Variants in GADL1 observed in about 807,000 individuals in gnomAD.
GADL1 encodes the protein GAD like acidic amino acid decarboxylase 1.
A neutral mutation model predicts 69.5 loss-of-function variants in GADL1; 71 were observed. The observed-to-expected ratio is 1.02, with a 90% CI of 0.84 to 1.25. The LOEUF is 1.25. GADL1 is among the 50% of genes most tolerant of loss of function. The probability of loss-of-function intolerance (pLI) is 0.00; values close to 1 mark genes in which losing one functional copy is unlikely to be tolerated. For missense variants in GADL1, 737 were observed against 631.8 expected (o/e 1.17, Z -1.79); for synonymous variants, 254 against 214.4 (o/e 1.18, Z -1.62).
At chr3:30,763,514 T>TG (rs1559492043) in intron 14 of GADL1, among the ~76,000 whole-genome samples, 5 of 17,152 alleles carry the variant, frequency 2.9e-4, no homozygotes, top group African/African-American at 9.1e-4. Flanking sequence ...CGGCGGGGGG[T>TG]GGGGGTGGGG....
chr3:30,750,918 G>A (rs991227189), intron 14 of GADL1, among the ~76,000 whole-genome samples: 1 of 151,850 alleles, frequency 6.6e-6, no homozygotes, highest in Non-Finnish European at 1.5e-5. Context: ...GAAAGACAGA[G>A]GACATTATCT....
chr3:30,780,362 C>T (rs1696637265), intron 13 of GADL1, among the ~76,000 whole-genome samples: 1 of 152,164 alleles, frequency 6.6e-6, no homozygotes, highest in Non-Finnish European at 1.5e-5. Flanking sequence ...AGGTCTAGAC[C>T]TCAGTCCTGG....
At chr3:30,853,645 A>C (rs986684730) in intron 4 of GADL1, among the ~76,000 whole-genome samples, 3 of 152,148 alleles carry the variant, frequency 2.0e-5, no homozygotes, top group African/African-American at 7.2e-5. Flanking sequence ...ATTTCTATGA[A>C]TGATATGACC....
chr3:30,827,767 TTC>T (rs900656858), intron 11 of GADL1, among the ~76,000 whole-genome samples: 19 of 152,036 alleles, frequency 1.2e-4, no homozygotes, highest in Admixed American at 9.2e-4. Context: ...ATTGAATGAA[TTC>T]TCTCTGTTTG....
chr3:30,753,904 A>C (rs941829328), intron 14 of GADL1, among the ~76,000 whole-genome samples: 1 of 152,212 alleles, frequency 6.6e-6, no homozygotes, highest in African/African-American at 2.4e-5. Flanking sequence ...TAACTAGACC[A>C]TTGATGAATC....
chr3:30,891,704 GA>G (rs1429882673), intron 1 of GADL1, among the ~76,000 whole-genome samples: 3 of 151,992 alleles, frequency 2.0e-5, no homozygotes, highest in Non-Finnish European at 4.4e-5. Flanking sequence ...ACTTGTTAAC[GA>G]AGGTTACATA....
chr3:30,734,622 T>A (rs912448237), intron 14 of GADL1, among the ~76,000 whole-genome samples: 5 of 152,140 alleles, frequency 3.3e-5, no homozygotes, highest in East Asian at 1.9e-4. Context: ...TATAAAAAAA[T>A]TTTTGTGGTA....
intron 3 of GADL1, 55 bp from the exon 4 acceptor site, chr3:30,854,844 G>A: frequency 2.4e-6 from 2 of 825,572 alleles, no homozygotes; most frequent in South Asian, 1.6e-5. Context: ...AAAAACTACT[G>A]ATACAGCATT....
At chr3:30,853,853 G>A (rs573912932) in intron 4 of GADL1, among the ~76,000 whole-genome samples, 5 of 152,078 alleles carry the variant, frequency 3.3e-5, no homozygotes, top group African/African-American at 9.6e-5. Context: ...CCCTCCTAAC[G>A]GGTCCCCTCC....
Position 30,741,190 on chromosome 3 carries a change from A to ATATGTGTGTGTGTGTG in GADL1, c.1393-12776_1393-12775insCACACACACACACATA, listed in dbSNP as rs747105488. Among the ~76,000 whole-genome samples the ATATGTGTGTGTGTGTG allele has an allele frequency of 1.9e-3, 254 of 132,630 alleles. 3 individuals are homozygous for ATATGTGTGTGTGTGTG. Among genetic ancestry groups the ATATGTGTGTGTGTGTG allele is most frequent in the South Asian group, 0.013 (56 of 4,328 alleles). 87.0% of individuals were successfully genotyped at this position (132,630 alleles called of 152,430 possible). ...TAAATATTATATATATTATATAATT[A>ATATGTGTGTGTGTGTG]TGTGTGTGTGTGTGTGTGTGTGTGT... On this transcript the variant is annotated intron_variant, in intron 14 of 14. Transcript: ENST00000282538.
intron 1 of GADL1, among the ~76,000 whole-genome samples, chr3:30,885,805 C>T (rs1398899589): frequency 6.6e-6 from 1 of 151,690 alleles, no homozygotes; most frequent in Non-Finnish European, 1.5e-5. Flanking sequence ...TGAGATCTCA[C>T]CATGCTGCCC....
intron 13 of GADL1, among the ~76,000 whole-genome samples, chr3:30,781,966 C>G (rs1696675888): frequency 6.6e-6 from 1 of 151,952 alleles, no homozygotes; most frequent in Non-Finnish European, 1.5e-5. Flanking sequence ...GAAATAATGT[C>G]CAGCGAGGGG....
chr3:30,750,661 A>G (rs1459221819), intron 14 of GADL1, among the ~76,000 whole-genome samples: 1 of 151,736 alleles, frequency 6.6e-6, no homozygotes, highest in Non-Finnish European at 1.5e-5. Context: ...TTTTTTTAAC[A>G]CAATTGCTAC....
At chr3:30,765,219 C>CATGG (rs1291195413) in intron 14 of GADL1, among the ~76,000 whole-genome samples, 4 of 152,178 alleles carry the variant, frequency 2.6e-5, no homozygotes, top group Non-Finnish European at 5.9e-5. Context: ...GAATTCCCCA[C>CATGG]ATGGATCACC....
At chr3:30,760,466 CTG>C (rs999185087) in intron 14 of GADL1, among the ~76,000 whole-genome samples, 50 of 152,270 alleles carry the variant, frequency 3.3e-4, no homozygotes, top group African/African-American at 7.7e-4. Context: ...TACCAACAGA[CTG>C]TGTCTAGCTG....
intron 11 of GADL1, among the ~76,000 whole-genome samples, chr3:30,813,395 TTC>T (rs1253635726): frequency 1.3e-5 from 2 of 152,014 alleles, no homozygotes; most frequent in Non-Finnish European, 2.9e-5. Flanking sequence ...TATAGAAATG[TTC>T]TCTTTCAAAC....
At chr3:30,729,725 A>G (rs1261900568) in intron 14 of GADL1, among the ~76,000 whole-genome samples, 1 of 152,210 alleles carries the variant, frequency 6.6e-6, no homozygotes, top group African/African-American at 2.4e-5. Flanking sequence ...TGAAGATATT[A>G]TGTGTTGAAC....
intron 13 of GADL1, among the ~76,000 whole-genome samples, chr3:30,779,453 G>C (rs1696610502): frequency 6.6e-6 from 1 of 152,150 alleles, no homozygotes; most frequent in African/African-American, 2.4e-5. Context: ...TTAATAAAAA[G>C]TAGTTTAAAA....
In GADL1 at chr3:30,817,235, G is replaced by C. The variant is rs149872170; in HGVS notation, c.1051-16147C>G. On this transcript the variant is annotated intron_variant, in intron 11 of 14. Transcript: ENST00000282538. ...TCTCAAAATTGTCTAAAGCTGTAGA[G>C]GCATTGAGAAAAATAAATCCCCATA... 3.4e-3 allele frequency among the ~76,000 whole-genome samples: 524 copies of C among 152,244 alleles called. 2 individuals are homozygous for C. The highest frequency in any genetic ancestry group is 0.012 in the African/African-American group (487 of 41,544).
Sources: allele counts gnomAD v4.1 joint callset (sites outside exome capture counted in the v4.1 genomes callset), GRCh38; gene constraint gnomAD v4.1.1; transcripts MANE v1.5; gene names NCBI Gene and HGNC (gene_info 2026-07-23, HGNC 2026-07-21).